The following ADAMTSL3 variants were observed in gnomAD, a reference collection of about 807,000 sequenced individuals.
ADAMTSL3 encodes the protein ADAMTS-like protein 3.
ADAMTSL3 carries 128 observed loss-of-function variants against 201.7 expected under a neutral mutation model. That is an observed-to-expected ratio of 0.63 (90% confidence interval 0.55 to 0.73). The LOEUF is 0.73. ADAMTSL3 is among the 30% of genes least tolerant of loss of function. The pLI is 0.00. For missense variants in ADAMTSL3, 1,990 were observed against 2,119.6 expected, an observed-to-expected ratio of 0.94 and a Z score of 1.20; for synonymous variants, 738 against 748.4, an observed-to-expected ratio of 0.99 and a Z score of 0.23.
chr15:84,028,943 G>A (rs1596554602), intron 27 of ADAMTSL3, among the ~76,000 whole-genome samples: 1 of 152,326 alleles, frequency 6.6e-6, no homozygotes, highest in Admixed American at 6.5e-5. Flanking sequence ...GCCTTGTGAA[G>A]AAAGTTCCTT....
intron 4 of ADAMTSL3, among the ~76,000 whole-genome samples, chr15:83,781,802 CA>C: frequency 6.6e-6 from 1 of 151,898 alleles, no homozygotes; most frequent in East Asian, 1.9e-4. Context: ...AAGACGTGGC[CA>C]AAAGTCATAC....
At chr15:83,885,005 G>T in intron 9 of ADAMTSL3, 96 bp from the exon 10 acceptor site, 4 of 745,862 alleles carry the variant, frequency 5.4e-6, no homozygotes, top group East Asian at 5.5e-5. Context: ...ATGGGTGGTT[G>T]TCTACATACA....
intron 14 of ADAMTSL3, 148 bp downstream of exon 14, chr15:83,898,153 A>G: frequency 1.1e-6 from 1 of 898,450 alleles, no homozygotes; most frequent in Non-Finnish European, 1.6e-6. Flanking sequence ...CTAGATAAAG[A>G]AGTTAGATAT....
intron 3 of ADAMTSL3, among the ~76,000 whole-genome samples, chr15:83,732,401 A>G (rs2062293551): frequency 1.3e-5 from 2 of 152,156 alleles, no homozygotes; most frequent in African/African-American, 2.4e-5. Flanking sequence ...CTGTATATTT[A>G]TCTGCCTAAC....
chr15:83,836,435 C>T (rs1205541347), intron 6 of ADAMTSL3, among the ~76,000 whole-genome samples: 1 of 152,166 alleles, frequency 6.6e-6, no homozygotes. Flanking sequence ...CTTACTATCT[C>T]TCCCTGAAAT....
At chr15:83,863,752 A>T (rs1379091183) in intron 8 of ADAMTSL3, among the ~76,000 whole-genome samples, 1 of 152,228 alleles carries the variant, frequency 6.6e-6, no homozygotes, top group Non-Finnish European at 1.5e-5. Flanking sequence ...GAAGGCAAGA[A>T]ATAACTAAGA....
At chr15:83,965,340 A>T (rs1479493241) in intron 19 of ADAMTSL3, among the ~76,000 whole-genome samples, 1 of 129,098 alleles carries the variant, frequency 7.7e-6, no homozygotes, top group Non-Finnish European at 1.7e-5. Context: ...TTACCAAGCA[A>T]ATGGAAAGCA....
At chr15:83,952,880 C>T (rs763835708) in intron 19 of ADAMTSL3, among the ~76,000 whole-genome samples, 2 of 151,546 alleles carry the variant, frequency 1.3e-5, no homozygotes, top group African/African-American at 2.4e-5. Flanking sequence ...TAAACAATGA[C>T]ATTCTTTGCC....
intron 13 of ADAMTSL3, among the ~76,000 whole-genome samples, chr15:83,897,496 G>A (rs11259926): frequency 0.76 from 116,306 of 152,102 alleles, 45,122 homozygotes; most frequent in African/African-American, 0.9. Flanking sequence ...GGTTTCATTC[G>A]TCTTCAAAAA....
intron 29 of ADAMTSL3, 45 bp downstream of exon 29, chr15:84,037,032 T>C (rs558955500): frequency 1.3e-6 from 2 of 1,584,090 alleles, no homozygotes; most frequent in South Asian, 2.2e-5. Flanking sequence ...GAGGCCTTGA[T>C]GGCATCAGAT....
chr15:84,033,557 G>C (rs778027376), intron 28 of ADAMTSL3, among the ~76,000 whole-genome samples: 6 of 152,192 alleles, frequency 3.9e-5, no homozygotes, highest in Non-Finnish European at 8.8e-5. Context: ...TATTTGGGAG[G>C]CTGAGGCAGG....
chr15:83,681,580 A>G (rs1404854473), intron 2 of ADAMTSL3, among the ~76,000 whole-genome samples: 5 of 152,224 alleles, frequency 3.3e-5, no homozygotes, highest in African/African-American at 1.2e-4. Context: ...AGACATATCA[A>G]TAGTTCTGGT....
chr15:83,841,504 CT>C (rs1401596997), intron 7 of ADAMTSL3, among the ~76,000 whole-genome samples: 17 of 152,292 alleles, frequency 1.1e-4, no homozygotes, highest in African/African-American at 2.6e-4. Flanking sequence ...AACAACAGTA[CT>C]GCCTTTGTAG....
chr15:84,011,161 A>G (rs1345281412), intron 23 of ADAMTSL3, among the ~76,000 whole-genome samples: 2 of 152,264 alleles, frequency 1.3e-5, no homozygotes, highest in African/African-American at 4.8e-5. Context: ...ATTTCAAAAC[A>G]TAAGATATGT....
intron 3 of ADAMTSL3, among the ~76,000 whole-genome samples, chr15:83,752,452 C>T (rs1237474977): frequency 6.6e-6 from 1 of 152,090 alleles, no homozygotes; most frequent in Admixed American, 6.6e-5. Context: ...TATTTTACAT[C>T]CATATGTGAA....
chr15:83,942,118 G>T (rs1304645219), intron 17 of ADAMTSL3, among the ~76,000 whole-genome samples: 1 of 152,196 alleles, frequency 6.6e-6, no homozygotes, highest in Non-Finnish European at 1.5e-5. Context: ...TATTGGAAAG[G>T]AATCACATTA....
chr15:83,966,808 C>T (rs2067098640), intron 19 of ADAMTSL3, among the ~76,000 whole-genome samples: 1 of 152,122 alleles, frequency 6.6e-6, no homozygotes, highest in African/African-American at 2.4e-5. Flanking sequence ...CTGAATCCAG[C>T]AGCACATCAA....
intron 5 of ADAMTSL3, among the ~76,000 whole-genome samples, chr15:83,807,634 G>A (rs1237595402): frequency 6.6e-6 from 1 of 152,056 alleles, no homozygotes; most frequent in Non-Finnish European, 1.5e-5. Context: ...CCTAAAACTT[G>A]TATAGAATCA....
chr15:83,900,491 G>A (rs1467254273), intron 15 of ADAMTSL3, among the ~76,000 whole-genome samples: 1 of 152,234 alleles, frequency 6.6e-6, no homozygotes, highest in African/African-American at 2.4e-5. Flanking sequence ...CAGTACCAAT[G>A]ATAGACTCAA....
Sources: allele counts gnomAD v4.1 joint callset (sites outside exome capture counted in the v4.1 genomes callset), GRCh38; gene constraint gnomAD v4.1.1; transcripts MANE v1.5; gene names NCBI Gene and HGNC (gene_info 2026-07-23, HGNC 2026-07-21).